Variants in COQ9 observed in about 807,000 individuals in gnomAD.
COQ9 encodes the protein coenzyme Q9.
A neutral mutation model predicts 42.4 loss-of-function variants in COQ9; 35 were observed. The observed-to-expected ratio is 0.83, with a 90% CI of 0.63 to 1.10. The LOEUF (loss-of-function observed/expected upper bound fraction) is 1.10. Among genes scored for constraint, COQ9 ranks in the 50% least tolerant of loss-of-function variants. The probability of loss-of-function intolerance (pLI) is 0.00; values close to 1 mark genes in which losing one functional copy is unlikely to be tolerated. For synonymous variants in COQ9, 155 were observed against 155.1 expected, an observed-to-expected ratio of 1.00 and a Z score of 0.00; for missense variants, 406 against 414.6, an observed-to-expected ratio of 0.98 and a Z score of 0.18.
chr16:57,455,501 G>A lies in COQ9; in HGVS notation c.379-1003G>A, dbSNP rs746149008. On this transcript the variant is annotated intron_variant, in intron 3 of 8. Transcript: ENST00000262507. ...GGGAGTCCAGACTCTCAAGGAACGC[G>A]GACATTTAAGGGGAGAGTAGAATAG... is the stretch of plus-strand genomic sequence containing the variant. 9.6e-4 allele frequency among the ~76,000 whole-genome samples: 146 copies of A among 151,546 alleles called. No individual in the cohort carries two copies. The Middle Eastern group carries it at 0.014, about 14-fold the overall frequency.
intron 7 of COQ9, 53 bp downstream of exon 7, chr16:57,459,773 C>G (rs1466815049): frequency 6.3e-7 from 1 of 1,594,870 alleles, no homozygotes; most frequent in Non-Finnish European, 8.6e-7. Flanking sequence ...TACCTATTCT[C>G]CTCAGGTCAC....
Position 57,451,119 on chromosome 16 carries a change from G to A in COQ9, c.153G>A (p.Lys51=). The change falls in exon 2 of 9, where the codon AAG becomes AAA. Residue 51 remains lysine, a synonymous_variant. Transcript: ENST00000262507. The stretch of plus-strand genomic sequence containing the variant: ...GGCTAAGGTCTTCAGATGAGCAGAA[G>A]CAGCAGCCTCCCAACTCATTTTCTC... ...AVGLRSSDEQ[K]QQPPNSFSQQ... The A allele has an allele frequency of 6.2e-7, 1 of 1,614,200 alleles. No individual in the cohort carries two copies. Among genetic ancestry groups the A allele is most frequent in the Non-Finnish European group, 8.5e-7 (1 of 1,180,032 alleles).
chr16:57,457,030 TCCAGGC>T lies in COQ9; in HGVS notation c.606+18_606+23del. The T allele has an allele frequency of 6.3e-7, 1 of 1,586,470 alleles. No homozygotes were observed. Among genetic ancestry groups the T allele is most frequent in the East Asian group, 2.2e-5 (1 of 44,766 alleles). On this transcript the variant is annotated intron_variant, in intron 5 of 8. Transcript: ENST00000262507. ...ACTGGCCCCGGGTACCAAGTCTATA[TCCAGGC>T]CCCAGAGCAACAATAATCCTAATAT...
intron 2 of COQ9, 102 bp downstream of exon 2, chr16:57,451,310 C>T (rs528719112): frequency 6.2e-6 from 8 of 1,283,758 alleles, no homozygotes; most frequent in Non-Finnish European, 9.1e-6. Context: ...TACCTTCCTT[C>T]ATTTCCAAGG....
At chr16:57,459,936 C>G (rs1038071227) in intron 7 of COQ9, 115 bp from the exon 8 acceptor site, 2 of 1,056,258 alleles carry the variant, frequency 1.9e-6, no homozygotes, top group African/African-American at 3.1e-5. Flanking sequence ...CTTCCAGTAA[C>G]GTGGCCCCCT....
intron 8 of COQ9, 92 bp from the exon 9 acceptor site, chr16:57,460,483 CAAAAAAGAAAAAAA>C (rs755441117): frequency 6.0e-6 from 7 of 1,170,920 alleles, no homozygotes; most frequent in Admixed American, 2.0e-5. Flanking sequence ...TGTCTCTATG[CAAAAAAGAAAAAAA>C]AAAAGAGAAA....
intron 5 of COQ9, 120 bp downstream of exon 5, chr16:57,457,135 C>A: frequency 1.2e-6 from 1 of 803,758 alleles, no homozygotes; most frequent in Non-Finnish European, 2.2e-6. Context: ...TCTCTATAAA[C>A]CCGACAATAC....
At chr16:57,449,942 C>T (rs2030243387) in intron 1 of COQ9, among the ~76,000 whole-genome samples, 1 of 152,092 alleles carries the variant, frequency 6.6e-6, no homozygotes, top group Non-Finnish European at 1.5e-5. Context: ...ATCTGAATAA[C>T]AAAACAGTGA....
chr16:57,450,259 C>T (rs557134381), intron 1 of COQ9, among the ~76,000 whole-genome samples: 1 of 152,062 alleles, frequency 6.6e-6, no homozygotes, highest in Non-Finnish European at 1.5e-5. Context: ...ACTAAAAATA[C>T]AAAAGTGAGC....
At chr16:57,453,070 T>TTTCCCCCAATAGGTATACAG (rs2030325670) in intron 3 of COQ9, 134 bp downstream of exon 3, 1 of 1,172,272 alleles carries the variant, frequency 8.5e-7, no homozygotes, top group Non-Finnish European at 1.3e-6. Flanking sequence ...GACTGGTTTT[T>TTTCCCCCAATAGGTATACAG]TTCCCCCAAT....
At chr16:57,458,166 C>A in intron 5 of COQ9, 80 bp from the exon 6 acceptor site, 1 of 1,065,198 alleles carries the variant, frequency 9.4e-7, no homozygotes, top group South Asian at 1.4e-5. Context: ...CCCTCATACA[C>A]CTCTTGGAGA....
chr16:57,448,863 A>C (rs192491196), intron 1 of COQ9, among the ~76,000 whole-genome samples: 19 of 152,324 alleles, frequency 1.2e-4, no homozygotes, highest in Non-Finnish European at 2.5e-4. Flanking sequence ...ATAGTAGCCA[A>C]ACACAGAAAC....
At position 57,460,522 on chromosome 16, in the gene COQ9, C is replaced by T; in HGVS notation, c.922-67C>T. On this transcript the variant is annotated intron_variant, in intron 8 of 8. Coordinates refer to ENST00000262507, the MANE Select transcript of COQ9 (RefSeq NM_020312.4). ...AAAAAGAGAAAAAGAAAAGCTAGGT[C>T]TTTTCTATTAGAGTCTAGAGGCAAG... 2.0e-6 allele frequency: 3 copies of T among 1,465,030 alleles called. No individual in the cohort carries two copies. In the East Asian group the frequency reaches 6.8e-5, roughly 33 times the overall value. The allele number at this position is 1,465,030 out of a possible 1,614,324, so 90.8% of individuals were successfully genotyped here. A position where few individuals can be genotyped will look rare whatever the true frequency, so the allele number is the denominator to read the frequency against.
chr16:57,447,656 G>A (rs1030002123), intron 1 of COQ9, 78 bp downstream of exon 1: 2 of 1,153,998 alleles, frequency 1.7e-6, no homozygotes, highest in Non-Finnish European at 1.1e-6. Flanking sequence ...GTTCGACGGT[G>A]GGGGGAAGAG....
At position 57,452,787 on chromosome 16, in the gene COQ9, T is replaced by G. The variant is rs1228420000; in HGVS notation, c.243-14T>G. On this transcript the variant is annotated splice_polypyrimidine_tract_variant and intron_variant, in intron 2 of 8. Coordinates refer to ENST00000262507, the MANE Select transcript of COQ9 (RefSeq NM_020312.4). ...AGGAGATGAAGTATGCTGGGCTGTG[T>G]CCTCTTGTCTCAGGTATACAGACCA... is the stretch of plus-strand genomic sequence containing the variant. 6.2e-7 allele frequency: 1 copy of G among 1,612,816 alleles called. No homozygotes were observed. Among genetic ancestry groups the G allele is most frequent in the East Asian group, 2.2e-5 (1 of 44,890 alleles).
chr16:57,457,100 C>T (rs1459696114), intron 5 of COQ9, 85 bp downstream of exon 5: 1 of 1,037,020 alleles, frequency 9.6e-7, no homozygotes, highest in Non-Finnish European at 1.5e-6. Context: ...TGACTTTGTA[C>T]ACTGTTCAGA....
chr16:57,457,152 C>A, intron 5 of COQ9, 137 bp downstream of exon 5: 2 of 758,440 alleles, frequency 2.6e-6, no homozygotes, highest in Non-Finnish European at 4.7e-6. Context: ...ATACTTAGTA[C>A]ACTTGGTAAA....
rs1180958497 is a variant in COQ9, at chr16:57,451,070, G to A, written c.104G>A (p.Arg35His). ...CGTTGCCGACAAGCCCTGGTGCCGC[G>A]TGCCTTCCATGCTTCAGCTGTGGGG... ...VARCRQALVP[R>H]AFHASAVGLR... Residue 35 changes from arginine to histidine, a missense_variant, in exon 2 of 9, where the codon CGT becomes CAT. Coordinates refer to ENST00000262507, the MANE Select transcript of COQ9 (RefSeq NM_020312.4). 6 of 1,614,096 alleles carry A rather than the reference G, an allele frequency of 3.7e-6. No homozygotes were observed. The highest frequency in any genetic ancestry group is 3.3e-4 in the Middle Eastern group (2 of 6,050).
chr16:57,452,139 G>A (rs2030303711), intron 2 of COQ9, among the ~76,000 whole-genome samples: 1 of 152,170 alleles, frequency 6.6e-6, no homozygotes, highest in Admixed American at 6.5e-5. Flanking sequence ...CAGGCCCTGT[G>A]AGTAATATAG....
Sources: allele counts gnomAD v4.1 joint callset (sites outside exome capture counted in the v4.1 genomes callset), GRCh38; gene constraint gnomAD v4.1.1; transcripts MANE v1.5; gene names NCBI Gene and HGNC (gene_info 2026-07-23, HGNC 2026-07-21).